The following ADAMTS9 variants were observed in gnomAD, a reference collection of about 807,000 sequenced individuals.
The protein encoded by ADAMTS9 is A disintegrin and metalloproteinase with thrombospondin motifs 9.
ADAMTS9 carries 107 observed loss-of-function variants against 257.1 expected under a neutral mutation model. The ratio of observed to expected loss-of-function variants is 0.42; its 90% confidence interval spans 0.36 to 0.49. ADAMTS9 has a LOEUF of 0.49. Among genes scored for constraint, ADAMTS9 ranks in the 20% least tolerant of loss-of-function variants. ADAMTS9 has a pLI of 0.03. For synonymous variants in ADAMTS9, 982 were observed against 880.9 expected (o/e 1.11, Z -2.03); for missense variants, 2,353 against 2,469.1 (o/e 0.95, Z 1.00).
Position 64,622,561 on chromosome 3 carries a change from G to A in ADAMTS9, c.2415C>T (p.Phe805=). 1 of 1,614,044 alleles carries A rather than the reference G, an allele frequency of 6.2e-7. No individual in the cohort carries two copies. Among genetic ancestry groups the A allele is most frequent in the Non-Finnish European group, 8.5e-7 (1 of 1,179,958 alleles). The part of the protein sequence containing the change: ...YLALSSSKGE[F]LLNGNFVVTM... ...TGACAACAAAGTTTCCATTTAGCAA[G>A]AATTCACCTTTACTGCTTGATAAAG... Residue 805 remains phenylalanine, a synonymous_variant, in exon 17 of 40, where the codon TTC becomes TTT. Coordinates refer to ENST00000498707, the MANE Select transcript of ADAMTS9 (RefSeq NM_182920.2).
intron 37 of ADAMTS9, among the ~76,000 whole-genome samples, chr3:64,538,052 C>T (rs2083071918): frequency 6.6e-6 from 1 of 152,220 alleles, no homozygotes; most frequent in Non-Finnish European, 1.5e-5. Context: ...GATGAATTTG[C>T]ACTTCTGGTC....
chr3:64,561,382 G>A (rs1311544477), intron 30 of ADAMTS9, 196 bp downstream of exon 30: 2 of 454,264 alleles, frequency 4.4e-6, no homozygotes, highest in South Asian at 5.5e-5. Flanking sequence ...GACAGACGTA[G>A]GAATTGCTTA....
At chr3:64,519,856 T>G (rs1373511117) in intron 39 of ADAMTS9, among the ~76,000 whole-genome samples, 1 of 152,158 alleles carries the variant, frequency 6.6e-6, no homozygotes, top group Non-Finnish European at 1.5e-5. Context: ...AGGCAAAAGT[T>G]GGAAGCATTC....
chr3:64,612,952 C>T (rs2084693842), intron 22 of ADAMTS9, among the ~76,000 whole-genome samples: 1 of 152,172 alleles, frequency 6.6e-6, no homozygotes, highest in Non-Finnish European at 1.5e-5. Context: ...GCCAAAATAT[C>T]TTTTCCAAAT....
In ADAMTS9 at chr3:64,546,850, T is replaced by G. The variant is rs374167755; in HGVS notation, c.4972A>C (p.Asn1658His). 1 of 1,614,002 alleles carries G rather than the reference T, an allele frequency of 6.2e-7. No individual in the cohort carries two copies. The highest frequency in any genetic ancestry group is 8.5e-7 in the Non-Finnish European group (1 of 1,180,016). Residue 1658 changes from asparagine to histidine, a missense_variant, in exon 32 of 40, where the codon AAC (asparagine) becomes CAC (histidine). Around this residue, in one of 3 missense-constraint regions of ADAMTS9, gnomAD observed 1,402 missense variants for 1,441.4 expected, o/e 0.97. Coordinates refer to ENST00000498707, the MANE Select transcript of ADAMTS9 (RefSeq NM_182920.2). ...CTGGGGGGCTGCGTGCCTGGGCAGT[T>G]GATGGTGGTTTGGTAGCTGTATTCA... The part of the protein sequence containing the change: ...NYEYSYQTTI[N>H]CPGTQPPSVH...
rs771040448 is a variant in ADAMTS9 at position 64,621,098 on chromosome 3, G to T, written c.2813+16C>A. 1.6e-5 allele frequency: 26 copies of T among 1,599,028 alleles called. No individual in the cohort carries two copies. Among genetic ancestry groups the T allele is most frequent in the Non-Finnish European group, 2.2e-5 (26 of 1,174,086 alleles). On this transcript the variant is annotated intron_variant, in intron 19 of 39. Coordinates refer to ENST00000498707, the MANE Select transcript of ADAMTS9 (RefSeq NM_182920.2). ...CACAATTCAGTAATAAAGGCCTTGA[G>T]AAAACAGTGGCCCACCTCAGGTCAC...
chr3:64,661,055 T>A (rs569430782), intron 3 of ADAMTS9, among the ~76,000 whole-genome samples: 13 of 152,350 alleles, frequency 8.5e-5, no homozygotes, highest in African/African-American at 3.1e-4. Flanking sequence ...TGGTACTATG[T>A]GTGGTTTTAG....
chr3:64,584,466 C>G (rs1354854923), intron 28 of ADAMTS9, among the ~76,000 whole-genome samples: 1 of 152,056 alleles, frequency 6.6e-6, no homozygotes, highest in African/African-American at 2.4e-5. Context: ...CTCTGCCACA[C>G]CCCACTCCCT....
Position 64,550,972 on chromosome 3 carries a change from C to A in ADAMTS9, c.4789G>T (p.Val1597Leu), listed in dbSNP as rs80311637. Residue 1597 changes from valine to leucine, a missense_variant, in exon 31 of 40, where the codon GTG becomes TTG. Coordinates refer to ENST00000498707, the MANE Select transcript of ADAMTS9 (RefSeq NM_182920.2). ...TCACGGTCCACCGGCCGCTTGCTCA[C>A]GTCACAGCGTGCCCCATGCACCTCG... ...KNEVHGARCD[V>L]SKRPVDRESC... The A allele has an allele frequency of 2.5e-6, 4 of 1,614,210 alleles. No homozygotes were observed. Among genetic ancestry groups the A allele is most frequent in the Non-Finnish European group, 3.4e-6 (4 of 1,180,040 alleles).
chr3:64,551,059 T>C lies in ADAMTS9; in HGVS notation c.4702A>G (p.Thr1568Ala). The C allele has an allele frequency of 1.2e-6, 2 of 1,614,146 alleles. No individual in the cohort carries two copies. The highest frequency in any genetic ancestry group is 1.7e-6 in the Non-Finnish European group (2 of 1,179,998). The change falls in exon 31 of 40, where the codon ACC becomes GCC. Residue 1568 changes from threonine to alanine, a missense_variant. Physicochemically the swap from Thr to Ala is moderately conservative, Grantham distance 58 (BLOSUM62 0). Transcript: ENST00000498707. The part of the protein sequence containing the change: ...TWRAEEWQEC[T>A]KTCGEGSRYR... ...CTGGAGCCTTCGCCGCAGGTCTTGG[T>C]GCACTGTTAAATACAAGCAAAAGAG...
intron 38 of ADAMTS9, among the ~76,000 whole-genome samples, chr3:64,531,739 T>A (rs2082983945): frequency 6.6e-6 from 1 of 152,234 alleles, no homozygotes; most frequent in Admixed American, 6.5e-5. Context: ...CTAATTTAAC[T>A]GGGTGTCCTG....
intron 3 of ADAMTS9, among the ~76,000 whole-genome samples, chr3:64,680,200 G>C (rs556048328): frequency 6.6e-6 from 1 of 152,286 alleles, no homozygotes; most frequent in African/African-American, 2.4e-5. Flanking sequence ...TGAAGTAAGT[G>C]ATCCTCTGGG....
chr3:64,622,514 C>A lies in ADAMTS9; in HGVS notation c.2462G>T (p.Arg821Leu), dbSNP rs202175916. 4.7e-5 allele frequency: 76 copies of A among 1,613,982 alleles called. No individual in the cohort carries two copies. Among genetic ancestry groups the A allele is most frequent in the Non-Finnish European group, 6.3e-5 (74 of 1,179,996 alleles). The change falls in exon 17 of 40, where the codon CGC becomes CTC. Residue 821 changes from arginine to leucine, a missense_variant. Physicochemically the swap from Arg to Leu is moderately radical, Grantham distance 102. This residue lies in a region of ADAMTS9 where 1,402 missense variants were observed against 1,441.4 expected (regional missense o/e 0.97). Transcript: ENST00000498707. ...FVVTMAKREI[R>L]IGNAVVEYSG... Reference sequence around the variant, plus strand: ...GTACTCTACCACAGCATTCCCAATGCGAATTTCCCTTTTGGCCATTGTGAC... The same window carrying A: ...GTACTCTACCACAGCATTCCCAATGAGAATTTCCCTTTTGGCCATTGTGAC...
At chr3:64,558,826 T>TG (rs1255764745) in intron 30 of ADAMTS9, among the ~76,000 whole-genome samples, 1 of 152,064 alleles carries the variant, frequency 6.6e-6, no homozygotes, top group Middle Eastern at 3.2e-3. Context: ...TATCCTATAA[T>TG]GGGGGGCTCC....
At position 64,603,966 on chromosome 3, in the gene ADAMTS9, A is replaced by C; in HGVS notation, c.3703T>G (p.Ser1235Ala). Residue 1235 changes from serine to alanine, a missense_variant, in exon 25 of 40, where the codon TCT (serine) becomes GCT (alanine). Physicochemically the swap from Ser to Ala is moderately conservative, Grantham distance 99. Transcript: ENST00000498707. ...TTCCATTGCCCACAGGGTGTCACAG[A>C]ACATTCTTCCTTTGCCACTGGTCTA... ...LPRPVAKEEC[S>A]VTPCGQWKAL... 6.2e-7 allele frequency: 1 copy of C among 1,613,962 alleles called. No homozygotes were observed. The highest frequency in any genetic ancestry group is 8.5e-7 in the Non-Finnish European group (1 of 1,179,958).
At chr3:64,559,580 A>C (rs1474477100) in intron 30 of ADAMTS9, among the ~76,000 whole-genome samples, 1 of 152,246 alleles carries the variant, frequency 6.6e-6, no homozygotes, top group African/African-American at 2.4e-5. Context: ...GGCCCAGGCC[A>C]GGTTATCTCC....
At chr3:64,643,271 T>C (rs1415508856) in intron 11 of ADAMTS9, among the ~76,000 whole-genome samples, 5 of 152,076 alleles carry the variant, frequency 3.3e-5, no homozygotes, top group African/African-American at 1.2e-4. Flanking sequence ...TGGACGGCTT[T>C]GTCTAGAGTA....
At chr3:64,603,893 C>T (rs748448161) in intron 25 of ADAMTS9, 29 bp downstream of exon 25, 2 of 1,611,718 alleles carry the variant, frequency 1.2e-6, no homozygotes, top group African/African-American at 1.3e-5. Context: ...CCCCCATTCC[C>T]CCTAATTCCA....
At chr3:64,603,282 A>C (rs1034847974) in intron 25 of ADAMTS9, among the ~76,000 whole-genome samples, 14 of 152,168 alleles carry the variant, frequency 9.2e-5, no homozygotes, top group Admixed American at 6.5e-5. Flanking sequence ...TTCTCTCTCT[A>C]TATTATGATA....
Sources: allele counts gnomAD v4.1 joint callset (sites outside exome capture counted in the v4.1 genomes callset), GRCh38; gene constraint gnomAD v4.1.1; regional missense constraint gnomAD v4.1.1; transcripts MANE v1.5; gene names NCBI Gene and HGNC (gene_info 2026-07-23, HGNC 2026-07-21).